Variants in TRIM5 observed in about 807,000 individuals in gnomAD.
TRIM5 encodes the protein tripartite motif-containing protein 5.
In TRIM5, 31 loss-of-function variants were observed where a neutral mutation model predicts 35.6. The ratio of observed to expected loss-of-function variants is 0.87; its 90% CI spans 0.65 to 1.18. The LOEUF (loss-of-function observed/expected upper bound fraction) is 1.18, where lower values mean the gene tolerates loss of function less well. Ranked by LOEUF, TRIM5 falls within the 50% of genes most tolerant of loss-of-function variation. The probability of loss-of-function intolerance (pLI) is 0.00; values close to 1 mark genes in which losing one functional copy is unlikely to be tolerated. For missense variants in TRIM5, 609 were observed against 591.6 expected (o/e 1.03, Z -0.31); for synonymous variants, 243 against 215.6 (o/e 1.13, Z -1.11).
At chr11:5,633,963 C>A in the TRIM5 span, 38 of 1,567,164 alleles carry the variant, frequency 2.4e-5, no homozygotes, top group South Asian at 3.7e-4. Flanking sequence ...TCCAAGGAGG[C>A]CTCGTCCTTT....
chr11:5,660,539 A>G (rs1221324626), downstream of TRIM5, among the ~76,000 whole-genome samples: 3 of 152,164 alleles, frequency 2.0e-5, no homozygotes, highest in Non-Finnish European at 4.4e-5. Context: ...TTATTAGAAT[A>G]TATACCTTCA....
chr11:5,599,085 T>C, the TRIM5 span, among the ~76,000 whole-genome samples: 1 of 152,350 alleles, frequency 6.6e-6, no homozygotes, highest in East Asian at 1.9e-4. Flanking sequence ...ATGTTTGGGT[T>C]CTTTCACTTT....
rs748139053 is a variant in TRIM5, at chr11:5,678,196, C to T, written c.744+8G>A. On this transcript the variant is annotated splice_region_variant and intron_variant, in intron 4 of 7. Coordinates refer to ENST00000380034, the MANE Select transcript of TRIM5 (RefSeq NM_033034.3). ...ATCTCAGTGCTCAGGCTTCTTTCCA[C>T]TTTTTACCTGAAGCAGCTCCATCAC... 1.9e-6 allele frequency: 3 copies of T among 1,598,444 alleles called. No individual in the cohort carries two copies. The highest frequency in any genetic ancestry group is 2.2e-5 in the East Asian group (1 of 44,482).
chr11:5,644,598 A>G, the TRIM5 span, among the ~76,000 whole-genome samples: 25 of 152,256 alleles, frequency 1.6e-4, no homozygotes, highest in African/African-American at 5.5e-4. Flanking sequence ...TAAGATATAT[A>G]TACTATGATG....
chr11:5,611,153 G>C, the TRIM5 span: 1 of 1,614,128 alleles, frequency 6.2e-7, no homozygotes, highest in Non-Finnish European at 8.5e-7. Flanking sequence ...TTCTCTCCAT[G>C]ACAGTGCCCC....
the TRIM5 span, chr11:5,605,691 A>G: frequency 8.4e-7 from 1 of 1,191,072 alleles, no homozygotes; most frequent in Non-Finnish European, 1.1e-6. Context: ...TTGGCGCTAT[A>G]GTGCCTATCC....
At chr11:5,679,238 G>T in intron 2 of TRIM5, 69 bp from the exon 3 acceptor site, 1 of 1,349,668 alleles carries the variant, frequency 7.4e-7, no homozygotes, top group South Asian at 1.2e-5. Flanking sequence ...GTATAAACAT[G>T]AAATAAATCA....
the TRIM5 span, among the ~76,000 whole-genome samples, chr11:5,647,557 C>T: frequency 6.6e-6 from 1 of 152,170 alleles, no homozygotes; most frequent in Non-Finnish European, 1.5e-5. Flanking sequence ...AAGTCTCACT[C>T]TGTTACCCAA....
At chr11:5,638,708 G>C in the TRIM5 span, among the ~76,000 whole-genome samples, 4 of 152,300 alleles carry the variant, frequency 2.6e-5, no homozygotes, top group African/African-American at 9.6e-5. Context: ...AACAGCTTAT[G>C]TTTTAGATAT....
At chr11:5,605,999 A>G in the TRIM5 span, among the ~76,000 whole-genome samples, 6 of 152,080 alleles carry the variant, frequency 3.9e-5, no homozygotes, top group Non-Finnish European at 7.4e-5. Context: ...GACAACCCCA[A>G]ATTTCTTCAG....
At chr11:5,636,501 C>A in the TRIM5 span, among the ~76,000 whole-genome samples, 1 of 152,076 alleles carries the variant, frequency 6.6e-6, no homozygotes, top group African/African-American at 2.4e-5. Context: ...CTGTAAAGGG[C>A]AAATCTTATG....
At chr11:5,680,379 T>A (rs1330511633) in intron 1 of TRIM5, 141 bp from the exon 2 acceptor site, 3 of 550,008 alleles carry the variant, frequency 5.5e-6, no homozygotes, top group Non-Finnish European at 9.1e-6. Flanking sequence ...AGGTGTTTGG[T>A]TACCTGGTAA....
At chr11:5,649,178 G>A in the TRIM5 span, among the ~76,000 whole-genome samples, 1 of 152,170 alleles carries the variant, frequency 6.6e-6, no homozygotes, top group Non-Finnish European at 1.5e-5. Flanking sequence ...AGCAATTCAG[G>A]ATGTCTATTA....
the TRIM5 span, among the ~76,000 whole-genome samples, chr11:5,639,671 C>T: frequency 3.7e-5 from 3 of 81,448 alleles, no homozygotes; most frequent in Non-Finnish European, 6.5e-5. Flanking sequence ...CAGAGTGAGA[C>T]TCTATTTCAA....
the TRIM5 span, among the ~76,000 whole-genome samples, chr11:5,598,366 T>C: frequency 1.3e-5 from 2 of 152,158 alleles, no homozygotes; most frequent in African/African-American, 2.4e-5. Flanking sequence ...TACAAATCTT[T>C]TTTCTGCTCA....
At chr11:5,608,429 G>A in the TRIM5 span, 1 of 1,612,186 alleles carries the variant, frequency 6.2e-7, no homozygotes. Context: ...AGTTCCCCTG[G>A]ACTGACAAAT....
the TRIM5 span, chr11:5,643,985 T>G: frequency 7.8e-6 from 4 of 510,246 alleles, 1 homozygote; most frequent in Admixed American, 1.5e-4. Context: ...TGTTTCACTT[T>G]ATCACTGATA....
At chr11:5,604,303 A>G in the TRIM5 span, among the ~76,000 whole-genome samples, 1 of 152,158 alleles carries the variant, frequency 6.6e-6, no homozygotes, top group African/African-American at 2.4e-5. Context: ...CGTGAGCCAC[A>G]GGTGCTTTGT....
intron 4 of TRIM5, among the ~76,000 whole-genome samples, chr11:5,677,191 C>T (rs939558921): frequency 1.6e-4 from 24 of 152,136 alleles, no homozygotes; most frequent in Non-Finnish European, 3.1e-4. Context: ...AGAAAATTTT[C>T]ACAACCCACT....
Sources: allele counts gnomAD v4.1 joint callset (sites outside exome capture counted in the v4.1 genomes callset), GRCh38; gene constraint gnomAD v4.1.1; transcripts MANE v1.5; gene names NCBI Gene and HGNC (gene_info 2026-07-23, HGNC 2026-07-21).